NRXN2: variants seen among roughly 807,000 people sequenced by gnomAD.
The protein encoded by NRXN2 is neurexin 2.
A neutral mutation model predicts 128.8 loss-of-function variants in NRXN2; 29 were observed. The ratio of observed to expected loss-of-function variants is 0.23; its 90% CI spans 0.17 to 0.31. The LOEUF (loss-of-function observed/expected upper bound fraction) is 0.31, where lower values mean the gene tolerates loss of function less well. NRXN2 is among the 10% of genes least tolerant of loss of function. NRXN2 has a pLI of 1.00. For missense variants in NRXN2, 1,881 were observed against 2,452.6 expected (o/e 0.77, Z 4.92); for synonymous variants, 1,098 against 1,075.2 (o/e 1.02, Z -0.41).
In NRXN2 at chr11:64,709,915, T is replaced by A. The variant is rs534205247; in HGVS notation, c.730+3055A>T. On this transcript the variant is annotated intron_variant, in intron 2 of 22. Transcript: ENST00000265459. Reference sequence around the variant, plus strand: ...CTTTCCCTTTTCTTCTTCCTTTTTTTTTTTTTTTTTGAGATGGAGTCTCAC... The same window carrying A: ...CTTTCCCTTTTCTTCTTCCTTTTTTATTTTTTTTTTGAGATGGAGTCTCAC... 1.5e-4 allele frequency among the ~76,000 whole-genome samples: 23 copies of A among 150,508 alleles called. 1 individual carries two copies. In the South Asian group the frequency reaches 4.6e-3, roughly 30 times the overall value.
intron 2 of NRXN2, among the ~76,000 whole-genome samples, chr11:64,709,354 C>T (rs542857332): frequency 4.4e-4 from 67 of 152,182 alleles, no homozygotes; most frequent in South Asian, 3.1e-3. Context: ...AGTCTTCCTT[C>T]CTCACCCCAA....
At chr11:64,611,410 C>T (rs1389979101) in intron 22 of NRXN2, among the ~76,000 whole-genome samples, 2 of 152,210 alleles carry the variant, frequency 1.3e-5, no homozygotes, top group African/African-American at 2.4e-5. Context: ...AGCGTCAAGG[C>T]TTGGCCTAAG....
At chr11:64,619,144 C>T (rs929456552) in intron 22 of NRXN2, among the ~76,000 whole-genome samples, 4 of 152,130 alleles carry the variant, frequency 2.6e-5, no homozygotes, top group Non-Finnish European at 5.9e-5. Context: ...CCCCCAACCC[C>T]GCAAGCACCG....
intron 17 of NRXN2, among the ~76,000 whole-genome samples, chr11:64,637,807 T>G (rs1252454929): frequency 1.3e-5 from 2 of 151,744 alleles, no homozygotes; most frequent in African/African-American, 4.8e-5. Context: ...TCTCTTCACT[T>G]CCCACCCCAG....
At chr11:64,625,027 G>A (rs934086913) in intron 20 of NRXN2, among the ~76,000 whole-genome samples, 1 of 152,202 alleles carries the variant, frequency 6.6e-6, no homozygotes, top group Non-Finnish European at 1.5e-5. Flanking sequence ...ACTTGGCTAA[G>A]GCCACAGAAA....
At chr11:64,716,468 G>GGAAT (rs1342518825) in intron 1 of NRXN2, among the ~76,000 whole-genome samples, 1 of 152,170 alleles carries the variant, frequency 6.6e-6, no homozygotes, top group East Asian at 1.9e-4. Flanking sequence ...AGAGCCAAAG[G>GGAAT]GAATGTTATC....
intron 7 of NRXN2, 42 bp downstream of exon 7, chr11:64,676,951 C>G (rs1230646765): frequency 1.3e-6 from 2 of 1,582,664 alleles, no homozygotes; most frequent in Non-Finnish European, 1.7e-6. Flanking sequence ...TTAAAAAAAC[C>G]CACGGCAAAC....
Position 64,652,036 on chromosome 11 carries a change from C to T in NRXN2, c.2535G>A (p.Glu845=). The change falls in exon 13 of 23, where the codon GAG becomes GAA. Residue 845 remains glutamate (E), a splice_region_variant and synonymous_variant. Coordinates refer to ENST00000265459, the MANE Select transcript of NRXN2 (RefSeq NM_015080.4). ...LQLSVDNVTV[E]GQMAGAHMRL... is the part of the protein sequence containing the mutation. Reference sequence around the variant, plus strand: ...CCTCCCTGGGCCCAGACCACCTACCCTCCACAGTCACGTTGTCCACAGACA... The same window carrying T: ...CCTCCCTGGGCCCAGACCACCTACCTTCCACAGTCACGTTGTCCACAGACA... 1 of 1,611,890 alleles carries T rather than the reference C, an allele frequency of 6.2e-7. No homozygotes were observed. The highest frequency in any genetic ancestry group is 8.5e-7 in the Non-Finnish European group (1 of 1,179,976).
intron 20 of NRXN2, 101 bp downstream of exon 20, chr11:64,626,362 T>G: frequency 2.3e-6 from 2 of 881,834 alleles, no homozygotes; most frequent in East Asian, 5.4e-5. Flanking sequence ...CACTTGGGGG[T>G]GGGCATTGGT....
chr11:64,641,837 G>A (rs1057009419), intron 17 of NRXN2, among the ~76,000 whole-genome samples: 1 of 152,018 alleles, frequency 6.6e-6, no homozygotes, highest in African/African-American at 2.4e-5. Flanking sequence ...CAGAGGTAGA[G>A]ACAGAGCAGA....
Position 64,632,677 on chromosome 11 carries a change from C to T in NRXN2, c.3586-2104G>A, listed in dbSNP as rs1487994416. 6.6e-6 allele frequency among the ~76,000 whole-genome samples: 1 copy of T among 152,146 alleles called. No individual in the cohort carries two copies. Among genetic ancestry groups the T allele is most frequent in the Non-Finnish European group, 1.5e-5 (1 of 68,004 alleles). The stretch of plus-strand genomic sequence containing the variant: ...GGGTTTCCTAGGAGGCAGTCAAGCT[C>T]AGGGCCCTGCACTCCGGGGGAGAGG... On this transcript the variant is annotated intron_variant, in intron 18 of 22. Coordinates refer to ENST00000265459, the MANE Select transcript of NRXN2 (RefSeq NM_015080.4). The surrounding 1 kb of genome is among the most constrained non-coding windows in gnomAD (Gnocchi z 4.2).
At chr11:64,627,822 C>A (rs1200637115) in intron 19 of NRXN2, among the ~76,000 whole-genome samples, 1 of 152,170 alleles carries the variant, frequency 6.6e-6, no homozygotes, top group Non-Finnish European at 1.5e-5. Flanking sequence ...ACATACTATT[C>A]AGTGCACGCT....
chr11:64,633,448 C>T (rs986374997), intron 18 of NRXN2, among the ~76,000 whole-genome samples: 43 of 152,152 alleles, frequency 2.8e-4, no homozygotes, highest in Non-Finnish European at 8.8e-5. Context: ...CAGACAGCTG[C>T]GGTGACTTGC....
intron 6 of NRXN2, among the ~76,000 whole-genome samples, chr11:64,679,027 G>A (rs1274107136): frequency 6.6e-6 from 1 of 152,206 alleles, no homozygotes; most frequent in African/African-American, 2.4e-5. Context: ...CAGGTGCAGT[G>A]ATGGGAGTCA....
chr11:64,654,024 G>A (rs911952579), intron 11 of NRXN2, among the ~76,000 whole-genome samples: 1 of 152,142 alleles, frequency 6.6e-6, no homozygotes, highest in Non-Finnish European at 1.5e-5. Flanking sequence ...TGAGGGAGAC[G>A]GGCACCTTGG....
rs1245743189 is a variant in NRXN2, at chr11:64,632,462, AG to A, written c.3586-1890del. 6.6e-6 allele frequency among the ~76,000 whole-genome samples: 1 copy of A among 152,202 alleles called. No homozygotes were observed. The highest frequency in any genetic ancestry group is 1.5e-5 in the Non-Finnish European group (1 of 68,024). Reference sequence around the variant, plus strand: ...GATCATCTGCTCCCCACACACGGGAAGGAACAGTCGATCCTCCTCGGTACTA... The same window carrying A: ...GATCATCTGCTCCCCACACACGGGAAGAACAGTCGATCCTCCTCGGTACTA... On this transcript the variant is annotated intron_variant, in intron 18 of 22. Coordinates refer to ENST00000265459, the MANE Select transcript of NRXN2 (RefSeq NM_015080.4). The surrounding 1 kb of genome is among the most constrained non-coding windows in gnomAD (Gnocchi z 4.2).
intron 17 of NRXN2, among the ~76,000 whole-genome samples, chr11:64,636,340 C>T (rs1047359057): frequency 6.8e-6 from 1 of 147,626 alleles, no homozygotes. Context: ...GATCTCAGCC[C>T]CAAAATAAAC....
At position 64,660,656 on chromosome 11, in the gene NRXN2, G is replaced by A. The variant is rs1352130578; in HGVS notation, c.2185+97C>T. On this transcript the variant is annotated intron_variant, in intron 10 of 22. Coordinates refer to ENST00000265459, the MANE Select transcript of NRXN2 (RefSeq NM_015080.4). This position sits in a 1 kb window ranked among gnomAD's most constrained non-coding sequence, Gnocchi z 5.2. Reference sequence around the variant, plus strand: ...GGCAGGTCTATGAGGGGTTCCCCTAGGAGGAGGTGGCACAGGGATGGAAAG... The same window carrying A: ...GGCAGGTCTATGAGGGGTTCCCCTAAGAGGAGGTGGCACAGGGATGGAAAG... 6.3e-7 allele frequency: 1 copy of A among 1,594,048 alleles called. No individual in the cohort carries two copies. Among genetic ancestry groups the A allele is most frequent in the African/African-American group, 1.3e-5 (1 of 74,684 alleles).
chr11:64,615,206 TCCA>T (rs1419369265), intron 22 of NRXN2, among the ~76,000 whole-genome samples: 5 of 152,196 alleles, frequency 3.3e-5, no homozygotes, highest in African/African-American at 1.2e-4. Flanking sequence ...CGGGTCCCCT[TCCA>T]CCACAACTCA....
Sources: allele counts gnomAD v4.1 joint callset (sites outside exome capture counted in the v4.1 genomes callset), GRCh38; gene constraint gnomAD v4.1.1; non-coding constraint Gnocchi (gnomAD v3.1); transcripts MANE v1.5; gene names NCBI Gene and HGNC (gene_info 2026-07-23, HGNC 2026-07-21).